Variants in PPP2R3A observed in about 807,000 individuals in gnomAD.
PPP2R3A encodes the protein serine/threonine-protein phosphatase 2A regulatory subunit B'' subunit alpha.
In PPP2R3A, 80 loss-of-function variants were observed where a neutral mutation model predicts 106.9. That is an observed-to-expected ratio of 0.75 (90% CI 0.62 to 0.90). The LOEUF is 0.90. Ranked by LOEUF, PPP2R3A falls within the 40% of genes least tolerant of loss-of-function variation. PPP2R3A has a pLI of 0.00. For synonymous variants in PPP2R3A, 483 were observed against 468.3 expected, an observed-to-expected ratio of 1.03 and a Z score of -0.41; for missense variants, 1,386 against 1,350.4, an observed-to-expected ratio of 1.03 and a Z score of -0.41.
At chr3:136,138,049 T>C (rs1938696708) in intron 13 of PPP2R3A, among the ~76,000 whole-genome samples, 2 of 152,104 alleles carry the variant, frequency 1.3e-5, no homozygotes, top group Non-Finnish European at 2.9e-5. Flanking sequence ...TATTAGGGTA[T>C]AGGGAAAGAA....
At chr3:136,112,547 A>C (rs1475260081) in intron 13 of PPP2R3A, among the ~76,000 whole-genome samples, 1 of 152,198 alleles carries the variant, frequency 6.6e-6, no homozygotes, top group African/African-American at 2.4e-5. Context: ...AATAGCCACA[A>C]AAAGAATAAG....
At chr3:136,124,121 A>C (rs1381490802) in intron 13 of PPP2R3A, among the ~76,000 whole-genome samples, 2 of 152,222 alleles carry the variant, frequency 1.3e-5, no homozygotes, top group Non-Finnish European at 1.5e-5. Context: ...ACACACTCTT[A>C]AGATGCATAG....
intron 1 of PPP2R3A, among the ~76,000 whole-genome samples, chr3:135,985,111 A>G (rs1473625674): frequency 4.6e-5 from 7 of 152,086 alleles, no homozygotes; most frequent in African/African-American, 1.4e-4. Context: ...AACCATATCA[A>G]CCTCTTTCCT....
At chr3:136,098,327 G>A (rs1250375129) in intron 10 of PPP2R3A, among the ~76,000 whole-genome samples, 2 of 152,050 alleles carry the variant, frequency 1.3e-5, no homozygotes, top group East Asian at 3.9e-4. Context: ...AAAACAAATA[G>A]TAAAAAACTT....
At chr3:135,975,342 G>A (rs1014960127) in intron 1 of PPP2R3A, among the ~76,000 whole-genome samples, 4 of 152,188 alleles carry the variant, frequency 2.6e-5, no homozygotes, top group Non-Finnish European at 5.9e-5. Context: ...ATCAGGGGCA[G>A]TGTTTCTCAG....
chr3:135,982,885 A>G (rs1937557413), intron 1 of PPP2R3A, among the ~76,000 whole-genome samples: 1 of 152,122 alleles, frequency 6.6e-6, no homozygotes, highest in African/African-American at 2.4e-5. Flanking sequence ...CTTGTGTCCT[A>G]TGGGTGATTT....
chr3:136,063,096 G>T, intron 5 of PPP2R3A, among the ~76,000 whole-genome samples: 1 of 152,148 alleles, frequency 6.6e-6, no homozygotes, highest in African/African-American at 2.4e-5. Context: ...GAATAGAACA[G>T]AGCCCTCAGA....
At chr3:136,119,431 A>G (rs940057807) in intron 13 of PPP2R3A, among the ~76,000 whole-genome samples, 6 of 152,252 alleles carry the variant, frequency 3.9e-5, no homozygotes, top group African/African-American at 1.4e-4. Flanking sequence ...TGAACAGGCA[A>G]CCTACAGAAT....
Position 136,001,065 on chromosome 3 carries a change from C to G in PPP2R3A, c.-434C>G, listed in dbSNP as rs1933605739. ...ATTTTTTTTTTTATTACAGGTTTCT[C>G]TGTCATTCACAGAAAAATGAATCAT... On this transcript the variant is annotated 5_prime_UTR_variant, in exon 2 of 14. Transcript: ENST00000264977. 1 of 397,590 alleles carries G rather than the reference C, an allele frequency of 2.5e-6. No individual in the cohort carries two copies. The highest frequency in any genetic ancestry group is 4.4e-6 in the Non-Finnish European group (1 of 225,700). The allele number at this position is 397,590 out of a possible 1,614,324, so 24.6% of individuals were successfully genotyped here. A position where few individuals can be genotyped will look rare whatever the true frequency, so the allele number is the denominator to read the frequency against.
At chr3:136,108,937 C>T (rs1381389559) in intron 13 of PPP2R3A, among the ~76,000 whole-genome samples, 1 of 152,034 alleles carries the variant, frequency 6.6e-6, no homozygotes, top group African/African-American at 2.4e-5. Context: ...ATATAGTACC[C>T]AGGAGCTCTT....
chr3:136,036,347 C>T (rs749524153), intron 3 of PPP2R3A, among the ~76,000 whole-genome samples: 26 of 152,152 alleles, frequency 1.7e-4, no homozygotes, highest in Non-Finnish European at 3.2e-4. Flanking sequence ...TATGGGTAGG[C>T]TCTGTCAGAG....
chr3:135,978,644 C>G (rs1416529042), intron 1 of PPP2R3A, among the ~76,000 whole-genome samples: 1 of 151,772 alleles, frequency 6.6e-6, no homozygotes, highest in Non-Finnish European at 1.5e-5. Flanking sequence ...AAGAAATTCT[C>G]TCAAAGAGCA....
intron 2 of PPP2R3A, among the ~76,000 whole-genome samples, chr3:136,012,504 C>A (rs1034017085): frequency 9.9e-5 from 15 of 151,998 alleles, no homozygotes; most frequent in African/African-American, 3.6e-4. Context: ...TTGCTGCAGC[C>A]AGTGAAGTCA....
chr3:136,097,220 T>G (rs1447869049), intron 10 of PPP2R3A, among the ~76,000 whole-genome samples: 1 of 151,582 alleles, frequency 6.6e-6, no homozygotes, highest in African/African-American at 2.4e-5. Flanking sequence ...GAATCTGCAA[T>G]GAAAGAAACT....
chr3:135,981,138 T>A (rs1020929124), intron 1 of PPP2R3A, among the ~76,000 whole-genome samples: 2 of 151,900 alleles, frequency 1.3e-5, no homozygotes, highest in African/African-American at 4.9e-5. Flanking sequence ...GGGTCCACCT[T>A]ACTGGTGAGC....
intron 5 of PPP2R3A, among the ~76,000 whole-genome samples, chr3:136,060,269 A>G (rs190979871): frequency 6.6e-6 from 1 of 152,360 alleles, no homozygotes; most frequent in African/African-American, 2.4e-5. Context: ...CAGGCACAGA[A>G]AGACAAATAC....
At chr3:136,118,852 C>T (rs561469140) in intron 13 of PPP2R3A, among the ~76,000 whole-genome samples, 1 of 152,196 alleles carries the variant, frequency 6.6e-6, no homozygotes, top group African/African-American at 2.4e-5. Flanking sequence ...ACTTTCTTCA[C>T]AAAATTGGAA....
chr3:136,107,769 G>A (rs1418977695), intron 13 of PPP2R3A, among the ~76,000 whole-genome samples: 3 of 151,970 alleles, frequency 2.0e-5, no homozygotes, highest in South Asian at 2.1e-4. Context: ...ATCATTCATC[G>A]TGCACTCAGT....
At chr3:136,115,036 G>T (rs1261274654) in intron 13 of PPP2R3A, among the ~76,000 whole-genome samples, 4 of 152,298 alleles carry the variant, frequency 2.6e-5, no homozygotes, top group Admixed American at 2.0e-4. Context: ...GCATCTGGCG[G>T]GTGTCCATCT....
Sources: gnomAD v4.1 joint callset for allele counts (sites outside exome capture counted in the v4.1 genomes callset) on GRCh38, gnomAD v4.1.1 for gene constraint, MANE v1.5 for transcripts, NCBI Gene and HGNC (gene_info 2026-07-23, HGNC 2026-07-21) for gene names.